EEA1: variants seen among roughly 807,000 people sequenced by gnomAD.
EEA1 encodes the protein early endosome antigen 1.
EEA1 carries 111 observed loss-of-function variants against 209.2 expected under a neutral mutation model. The ratio of observed to expected loss-of-function variants is 0.53; its 90% confidence interval spans 0.45 to 0.62. EEA1 has a LOEUF of 0.62. EEA1 is among the 20% of genes least tolerant of loss of function. The pLI is 0.00. For missense variants in EEA1, 1,343 were observed against 1,530.8 expected (o/e 0.88, Z 2.05); for synonymous variants, 536 against 540.6 (o/e 0.99, Z 0.12).
chr12:92,915,245 T>C (rs1477255815), intron 1 of EEA1, among the ~76,000 whole-genome samples: 2 of 152,124 alleles, frequency 1.3e-5, no homozygotes, highest in South Asian at 2.1e-4. Flanking sequence ...GGTGAGAGCA[T>C]CACTTGAGCC....
intron 2 of EEA1, among the ~76,000 whole-genome samples, chr12:92,874,376 T>C (rs1389284370): frequency 3.9e-5 from 6 of 152,164 alleles, no homozygotes; most frequent in Non-Finnish European, 1.5e-5. Flanking sequence ...ATTTGTTTTG[T>C]ATTGTTTGAG....
chr12:92,871,640 T>C (rs1878653221), intron 2 of EEA1, among the ~76,000 whole-genome samples: 1 of 152,338 alleles, frequency 6.6e-6, no homozygotes, highest in East Asian at 1.9e-4. Context: ...TCTTCTGGTA[T>C]ACGTAAGGAA....
At chr12:92,922,461 A>G (rs1881044831) in intron 1 of EEA1, among the ~76,000 whole-genome samples, 1 of 152,238 alleles carries the variant, frequency 6.6e-6, no homozygotes, top group Admixed American at 6.5e-5. Flanking sequence ...GAGAAACTCA[A>G]AAATCTGGTT....
At chr12:92,896,364 A>G (rs1255290886) in intron 1 of EEA1, among the ~76,000 whole-genome samples, 1 of 152,166 alleles carries the variant, frequency 6.6e-6, no homozygotes, top group Non-Finnish European at 1.5e-5. Context: ...GAAATCTGCT[A>G]CTGGAGAAGA....
At position 92,806,672 on chromosome 12, in the gene EEA1, A is replaced by G. The variant is rs1340695906; in HGVS notation, c.2339+2345T>C. On this transcript the variant is annotated intron_variant, in intron 18 of 28. Transcript: ENST00000322349. ...ATATCAAAACCTGACAATGATATTA[A>G]AAGAATACTACAGACCAATACCCCT... Among the ~76,000 whole-genome samples the G allele has an allele frequency of 2.0e-5, 3 of 152,242 alleles. No individual in the cohort carries two copies. In the East Asian group the frequency reaches 5.8e-4, roughly 29 times the overall value.
At chr12:92,896,719 T>C (rs1487651033) in intron 1 of EEA1, among the ~76,000 whole-genome samples, 2 of 151,672 alleles carry the variant, frequency 1.3e-5, no homozygotes, top group Non-Finnish European at 2.9e-5. Flanking sequence ...GAGAATCGCT[T>C]GAATCCGGGA....
At chr12:92,792,145 G>C (rs1207523357) in intron 21 of EEA1, among the ~76,000 whole-genome samples, 1 of 152,126 alleles carries the variant, frequency 6.6e-6, no homozygotes. Context: ...GAAATTTATA[G>C]CACTAAATGC....
intron 9 of EEA1, among the ~76,000 whole-genome samples, chr12:92,847,249 C>T (rs1877425007): frequency 6.6e-6 from 1 of 152,168 alleles, no homozygotes; most frequent in Non-Finnish European, 1.5e-5. Context: ...GCCACTGCAC[C>T]TGGCCCTTAA....
At chr12:92,863,844 G>A (rs1202534768) in intron 3 of EEA1, among the ~76,000 whole-genome samples, 3 of 152,166 alleles carry the variant, frequency 2.0e-5, no homozygotes, top group East Asian at 3.8e-4. Flanking sequence ...AGGGTAGACC[G>A]TGGATGCTTT....
intron 11 of EEA1, among the ~76,000 whole-genome samples, chr12:92,832,106 A>AG (rs1876678770): frequency 6.6e-6 from 1 of 152,008 alleles, no homozygotes; most frequent in Non-Finnish European, 1.5e-5. Flanking sequence ...AAAAAAAAAA[A>AG]AAAAAATATC....
At chr12:92,900,004 G>A (rs1366525758) in intron 1 of EEA1, among the ~76,000 whole-genome samples, 2 of 152,054 alleles carry the variant, frequency 1.3e-5, no homozygotes, top group South Asian at 2.1e-4. Flanking sequence ...GGTGATGAAC[G>A]TTCAAGTCTT....
chr12:92,770,972 TA>T lies in EEA1; in HGVS notation c.*5038del, dbSNP rs1472439473. Reference sequence around the variant, plus strand: ...TTTTGAAGAATGATGGTGTTTGCCATAAAAATACTTTCTGGTTTTGATTGGT... The same window carrying T: ...TTTTGAAGAATGATGGTGTTTGCCATAAAATACTTTCTGGTTTTGATTGGT... On this transcript the variant is annotated 3_prime_UTR_variant, in exon 29 of 29. Coordinates refer to ENST00000322349, the MANE Select transcript of EEA1 (RefSeq NM_003566.4). 4 of 147,410 alleles carry T rather than the reference TA, an allele frequency of 2.7e-5. No individual in the cohort carries two copies. The highest frequency in any genetic ancestry group is 1.0e-4 in the African/African-American group (4 of 40,024). 9.1% of individuals were successfully genotyped at this position (147,410 alleles called of 1,614,324 possible).
chr12:92,787,732 A>G (rs1874195047), intron 22 of EEA1, 135 bp downstream of exon 22: 3 of 695,572 alleles, frequency 4.3e-6, no homozygotes, highest in Non-Finnish European at 2.1e-6. Context: ...CTAATACAAA[A>G]TAACAATTTA....
chr12:92,875,775 A>T (rs915460874), intron 2 of EEA1, among the ~76,000 whole-genome samples: 3 of 152,156 alleles, frequency 2.0e-5, no homozygotes, highest in Admixed American at 6.5e-5. Context: ...CCGATCGCTG[A>T]CCCAATCTCC....
chr12:92,782,769 A>C (rs1057091267), intron 22 of EEA1, among the ~76,000 whole-genome samples: 1 of 152,136 alleles, frequency 6.6e-6, no homozygotes, highest in African/African-American at 2.4e-5. Flanking sequence ...CCCTTCTTCC[A>C]CTGGTCCCTA....
chr12:92,812,310 CAA>C (rs891374323), intron 16 of EEA1, among the ~76,000 whole-genome samples: 1 of 150,446 alleles, frequency 6.6e-6, no homozygotes, highest in Non-Finnish European at 1.5e-5. Context: ...ACCTGGGTAA[CAA>C]GAGCAAAAAA....
At chr12:92,886,998 CAACAAACAAACA>C (rs1555207007) in intron 2 of EEA1, among the ~76,000 whole-genome samples, 2 of 150,014 alleles carry the variant, frequency 1.3e-5, no homozygotes, top group African/African-American at 2.5e-5. Context: ...GACTCCATCT[CAACAAACAAACA>C]AACAAACAAA....
chr12:92,880,819 G>C (rs1879106129), intron 2 of EEA1, among the ~76,000 whole-genome samples: 1 of 152,118 alleles, frequency 6.6e-6, no homozygotes, highest in Non-Finnish European at 1.5e-5. Flanking sequence ...AAATGGCATA[G>C]ATGCACTTTT....
At chr12:92,780,118 C>T (rs1350903541) in intron 24 of EEA1, among the ~76,000 whole-genome samples, 162 bp downstream of exon 24, 1 of 152,026 alleles carries the variant, frequency 6.6e-6, no homozygotes, top group African/African-American at 2.4e-5. Context: ...GGGTATTATG[C>T]AATACAAAAG....
Sources: gnomAD v4.1 joint callset for allele counts (sites outside exome capture counted in the v4.1 genomes callset) on GRCh38, gnomAD v4.1.1 for gene constraint, MANE v1.5 for transcripts, NCBI Gene and HGNC (gene_info 2026-07-23, HGNC 2026-07-21) for gene names.